Variants in FOXP2 observed in about 807,000 individuals in gnomAD.
The protein encoded by FOXP2 is forkhead box P2.
In FOXP2, 12 loss-of-function variants were observed where a neutral mutation model predicts 115.8. The ratio of observed to expected loss-of-function variants is 0.10; its 90% CI spans 0.07 to 0.17. FOXP2 has a LOEUF of 0.17. Among genes scored for constraint, FOXP2 ranks in the 10% least tolerant of loss-of-function variants. FOXP2 has a pLI of 1.00. For missense variants in FOXP2, 629 were observed against 843.5 expected (o/e 0.75, Z 3.15); for synonymous variants, 328 against 297.7 (o/e 1.10, Z -1.05).
intron 2 of FOXP2, among the ~76,000 whole-genome samples, chr7:114,300,662 T>C (rs1796857139): frequency 6.6e-6 from 1 of 152,056 alleles, no homozygotes; most frequent in Non-Finnish European, 1.5e-5. Context: ...TTAATATATC[T>C]TTTCTTGTGT....
intron 2 of FOXP2, among the ~76,000 whole-genome samples, chr7:114,379,178 T>C (rs1792217756): frequency 6.6e-6 from 1 of 152,194 alleles, no homozygotes. Flanking sequence ...TGTTGCTGGC[T>C]CGAATGCCTG....
chr7:114,461,763 T>C (rs946619660), intron 2 of FOXP2, among the ~76,000 whole-genome samples: 2 of 152,152 alleles, frequency 1.3e-5, no homozygotes, highest in Non-Finnish European at 2.9e-5. Flanking sequence ...TTCAGTACTT[T>C]CCTTATCTGC....
chr7:114,314,905 G>T (rs1797237820), intron 2 of FOXP2, among the ~76,000 whole-genome samples: 1 of 152,080 alleles, frequency 6.6e-6, no homozygotes, highest in Non-Finnish European at 1.5e-5. Context: ...TTTGTGTCCT[G>T]TGTGCAATGA....
At chr7:114,657,269 T>A (rs557381573) in intron 10 of FOXP2, among the ~76,000 whole-genome samples, 4 of 152,232 alleles carry the variant, frequency 2.6e-5, no homozygotes, top group African/African-American at 9.6e-5. Flanking sequence ...CTTGCATACA[T>A]TCTCACCTTT....
chr7:114,596,489 A>T (rs1182008133), intron 3 of FOXP2, among the ~76,000 whole-genome samples: 1 of 152,124 alleles, frequency 6.6e-6, no homozygotes, highest in Non-Finnish European at 1.5e-5. Context: ...TTGTGACACT[A>T]ATCAGCCATT....
At chr7:114,681,956 T>C (rs763808502) in intron 16 of FOXP2, among the ~76,000 whole-genome samples, 1 of 152,200 alleles carries the variant, frequency 6.6e-6, no homozygotes, top group Non-Finnish European at 1.5e-5. Flanking sequence ...TTTCTGTATT[T>C]ATACCATACT....
rs1796494491 is a variant in FOXP2, at chr7:114,480,722, CATAT to C, written c.169-53893_169-53890del. 2.0e-5 allele frequency among the ~76,000 whole-genome samples: 3 copies of C among 149,830 alleles called. No homozygotes were observed. The South Asian group carries it at 6.2e-4, about 31-fold the overall frequency. On this transcript the variant is annotated intron_variant, in intron 2 of 16. Transcript: ENST00000350908. ...ATATATACATATGTGCATGTATATA[CATAT>C]ACACGTATATATGTGTATGTATGTA...
At chr7:114,549,145 C>A (rs998999807) in intron 3 of FOXP2, among the ~76,000 whole-genome samples, 1 of 152,190 alleles carries the variant, frequency 6.6e-6, no homozygotes, top group African/African-American at 2.4e-5. Context: ...CCCCAAACTT[C>A]CATTGACACA....
chr7:114,639,794 G>A (rs1012743380), intron 6 of FOXP2, among the ~76,000 whole-genome samples: 2 of 152,144 alleles, frequency 1.3e-5, no homozygotes, highest in Non-Finnish European at 2.9e-5. Flanking sequence ...AGAGAGACAG[G>A]CAAGAGCCAG....
At chr7:114,089,021 C>T (rs879554842) in intron 1 of FOXP2, among the ~76,000 whole-genome samples, 1 of 152,122 alleles carries the variant, frequency 6.6e-6, no homozygotes, top group African/African-American at 2.4e-5. Context: ...CAAACAATTT[C>T]ATATCAGCTT....
intron 2 of FOXP2, among the ~76,000 whole-genome samples, chr7:114,367,982 G>T (rs1334671018): frequency 6.6e-6 from 1 of 152,174 alleles, no homozygotes; most frequent in Non-Finnish European, 1.5e-5. Flanking sequence ...GTACTACACA[G>T]AAATTAGTGA....
At chr7:114,616,355 GT>G (rs1486247979) in intron 3 of FOXP2, among the ~76,000 whole-genome samples, 55 of 152,092 alleles carry the variant, frequency 3.6e-4, no homozygotes, top group Non-Finnish European at 1.5e-4. Flanking sequence ...TAGAGAATGT[GT>G]TTCACCACGT....
chr7:114,276,563 C>A (rs1007455925), intron 1 of FOXP2, among the ~76,000 whole-genome samples: 1 of 152,078 alleles, frequency 6.6e-6, no homozygotes, highest in Admixed American at 6.6e-5. Flanking sequence ...TCATAATGGA[C>A]AAGCTGGTGG....
At chr7:114,298,931 T>C (rs1796814267) in intron 2 of FOXP2, among the ~76,000 whole-genome samples, 1 of 152,196 alleles carries the variant, frequency 6.6e-6, no homozygotes, top group Non-Finnish European at 1.5e-5. Flanking sequence ...TATGAAAATA[T>C]TAGTAAGAAC....
intron 1 of FOXP2, among the ~76,000 whole-genome samples, chr7:114,233,614 A>G (rs1227859350): frequency 6.6e-6 from 1 of 152,252 alleles, no homozygotes; most frequent in African/African-American, 2.4e-5. Context: ...TGTTATACAT[A>G]CAGTGCTTCT....
At chr7:114,121,171 A>T (rs1022697528) in intron 1 of FOXP2, among the ~76,000 whole-genome samples, 3 of 152,038 alleles carry the variant, frequency 2.0e-5, no homozygotes, top group African/African-American at 7.2e-5. Context: ...AGTCATGAGG[A>T]TGGAGCCCTC....
chr7:114,184,002 C>T (rs1276422315), intron 1 of FOXP2, among the ~76,000 whole-genome samples: 1 of 152,092 alleles, frequency 6.6e-6, no homozygotes, highest in Non-Finnish European at 1.5e-5. Flanking sequence ...CTTCTGTATC[C>T]ACTATAGTAA....
Position 114,426,589 on chromosome 7 carries a change from A to G in FOXP2, c.78A>G (p.Gln26=), listed in dbSNP as rs1288750878. ...NQNGMSTLSS[Q]LDAGSRDGRS... is the part of the protein sequence containing the mutation. ...ATGGAATGAGCACTCTAAGCAGCCA[A>G]TTAGATGCTGGCAGCAGAGATGGAA... Residue 26 remains glutamine (Q), a synonymous_variant, in exon 2 of 17, where the codon CAA becomes CAG. Coordinates refer to ENST00000350908, the MANE Select transcript of FOXP2 (RefSeq NM_014491.4). 4.3e-6 allele frequency: 7 copies of G among 1,611,770 alleles called. No homozygotes were observed. The East Asian group carries it at 6.7e-5, about 15-fold the overall frequency.
chr7:114,573,574 TAA>T (rs1029588885), intron 3 of FOXP2, among the ~76,000 whole-genome samples: 8 of 151,816 alleles, frequency 5.3e-5, no homozygotes, highest in Non-Finnish European at 1.2e-4. Flanking sequence ...TTTCAAATGT[TAA>T]GAGACCCTAC....
Sources: allele counts gnomAD v4.1 joint callset (sites outside exome capture counted in the v4.1 genomes callset), GRCh38; gene constraint gnomAD v4.1.1; transcripts MANE v1.5; gene names NCBI Gene and HGNC (gene_info 2026-07-23, HGNC 2026-07-21).